TYRO3: variants seen among roughly 807,000 people sequenced by gnomAD.
The protein encoded by TYRO3 is tyrosine-protein kinase receptor TYRO3.
TYRO3 carries 38 observed loss-of-function variants against 95.2 expected under a neutral mutation model. The ratio of observed to expected loss-of-function variants is 0.40; its 90% CI spans 0.31 to 0.52. The LOEUF is 0.52. Ranked by LOEUF, TYRO3 falls within the 20% of genes least tolerant of loss-of-function variation. The pLI, the probability that TYRO3 is intolerant of heterozygous loss-of-function variation, is 0.56. For synonymous variants in TYRO3, 367 were observed against 432.9 expected, an observed-to-expected ratio of 0.85 and a Z score of 1.89; for missense variants, 812 against 1,116.4, an observed-to-expected ratio of 0.73 and a Z score of 3.89.
chr15:41,568,492 C>T (rs1312679645), intron 8 of TYRO3, 130 bp downstream of exon 8: 2 of 862,292 alleles, frequency 2.3e-6, no homozygotes, highest in Non-Finnish European at 3.5e-6. Context: ...GAATCCTTTC[C>T]TCCTCACCCT....
Position 41,573,110 on chromosome 15 carries a change from A to G in TYRO3, c.1984A>G (p.Met662Val), listed in dbSNP as rs758817180. The change falls in exon 16 of 19, where the codon ATG becomes GTG. Residue 662 changes from methionine (M) to valine (V), a missense_variant and splice_region_variant. Coordinates refer to ENST00000263798, the MANE Select transcript of TYRO3 (RefSeq NM_006293.4). ...IHRDLAARNCMLAEDMTVCVA... is the reference protein window; with the variant it reads ...IHRDLAARNCVLAEDMTVCVA... ...CCGAGACCTGGCTGCTCGGAATTGC[A>G]TGTACGAATTCTGGAGGACTCGAGG... 6.2e-7 allele frequency: 1 copy of G among 1,613,112 alleles called. No individual in the cohort carries two copies. Among genetic ancestry groups the G allele is most frequent in the African/African-American group, 1.3e-5 (1 of 74,740 alleles).
chr15:41,573,318 G>T lies in TYRO3; in HGVS notation c.1996G>T (p.Asp666Tyr). Residue 666 changes from aspartate to tyrosine, a missense_variant, in exon 17 of 19, where the codon GAC becomes TAC. By Grantham distance (160) the Asp-to-Tyr change is radical. Coordinates refer to ENST00000263798, the MANE Select transcript of TYRO3 (RefSeq NM_006293.4). Reference protein sequence around the residue: ...LAARNCMLAEDMTVCVADFGL... With the variant: ...LAARNCMLAEYMTVCVADFGL... ...CAATGCCCCTTGTAGGCTGGCAGAGGACATGACAGTGTGTGTGGCTGACTT... is the reference window on the plus strand; with the variant it reads ...CAATGCCCCTTGTAGGCTGGCAGAGTACATGACAGTGTGTGTGGCTGACTT... The T allele has an allele frequency of 6.2e-7, 1 of 1,614,242 alleles. No individual in the cohort carries two copies. The highest frequency in any genetic ancestry group is 8.5e-7 in the Non-Finnish European group (1 of 1,180,044).
chr15:41,569,996 T>A, intron 9 of TYRO3, 31 bp from the exon 10 acceptor site: 1 of 1,606,324 alleles, frequency 6.2e-7, no homozygotes. Context: ...GGTGTCATCC[T>A]AGCTCATGCC....
At chr15:41,567,094 G>A (rs2055732849) in intron 6 of TYRO3, among the ~76,000 whole-genome samples, 1 of 152,178 alleles carries the variant, frequency 6.6e-6, no homozygotes, top group Admixed American at 6.5e-5. Flanking sequence ...CTTTCACCAA[G>A]AAAGTGATAT....
intron 15 of TYRO3, 113 bp from the exon 16 acceptor site, chr15:41,572,889 T>A: frequency 1.1e-6 from 1 of 878,378 alleles, no homozygotes; most frequent in Non-Finnish European, 1.8e-6. Flanking sequence ...TCCCCTTCCT[T>A]CCTTCCAGTG....
chr15:41,567,567 G>A lies in TYRO3; in HGVS notation c.961+30G>A, dbSNP rs757931709. ...GGGATGCATAGAGCAGAGCGGGTGGGCAGGGCTGGAGCCGGGAAGGGGGCC... is the reference window on the plus strand; with the variant it reads ...GGGATGCATAGAGCAGAGCGGGTGGACAGGGCTGGAGCCGGGAAGGGGGCC... On this transcript the variant is annotated intron_variant, in intron 7 of 18. Coordinates refer to ENST00000263798, the MANE Select transcript of TYRO3 (RefSeq NM_006293.4). 47 of 1,431,652 alleles carry A rather than the reference G, an allele frequency of 3.3e-5. No individual in the cohort carries two copies. In the Admixed American group the frequency reaches 5.3e-4, roughly 16 times the overall value. 88.7% of individuals were successfully genotyped at this position (1,431,652 alleles called of 1,614,324 possible).
rs201443654 is a variant in TYRO3 at position 41,570,259 on chromosome 15, A to G, written c.1402A>G (p.Met468Val). Residue 468 changes from methionine (M) to valine (V), a missense_variant, in exon 11 of 19, where the codon ATG (methionine) becomes GTG (valine). Physicochemically the swap from Met to Val is conservative, Grantham distance 21. Transcript: ENST00000263798. ...CTTTAGGCAAGCCTTTGACAGTGTCATGGCCCGGGGAGAGCCAGCCGTTCA... is the reference window on the plus strand; with the variant it reads ...CTTTAGGCAAGCCTTTGACAGTGTCGTGGCCCGGGGAGAGCCAGCCGTTCA... ...TRFGQAFDSVMARGEPAVHFR... is the reference protein window; with the variant it reads ...TRFGQAFDSVVARGEPAVHFR... 1.3e-4 allele frequency: 216 copies of G among 1,613,964 alleles called. 1 individual carries two copies. Among genetic ancestry groups the G allele is most frequent in the Admixed American group, 2.8e-4 (17 of 60,012 alleles).
intron 9 of TYRO3, 48 bp from the exon 10 acceptor site, chr15:41,569,979 A>T (rs761520881): frequency 6.3e-7 from 1 of 1,589,802 alleles, no homozygotes; most frequent in East Asian, 2.2e-5. Flanking sequence ...TTCTGAAGGG[A>T]CCTCATGGTG....
intron 18 of TYRO3, among the ~76,000 whole-genome samples, chr15:41,575,166 C>T (rs1194937993): frequency 6.6e-6 from 1 of 152,216 alleles, no homozygotes; most frequent in Admixed American, 6.5e-5. Flanking sequence ...TGGGGTCCTT[C>T]CCTTGGACAG....
intron 2 of TYRO3, 65 bp from the exon 3 acceptor site, chr15:41,561,474 C>G: frequency 7.4e-7 from 1 of 1,346,886 alleles, no homozygotes; most frequent in East Asian, 2.5e-5. Context: ...CTGAACTCAT[C>G]AAGTTTGCCC....
chr15:41,572,646 G>A, intron 15 of TYRO3, 82 bp downstream of exon 15: 4 of 1,406,196 alleles, frequency 2.8e-6, no homozygotes. Context: ...CTGGCAGAGA[G>A]GGGCTTGCTG....
chr15:41,560,388 C>CGTGTGTGTGTGTGTGTGTGTGT (rs1177291795), intron 1 of TYRO3, among the ~76,000 whole-genome samples: 2 of 72,056 alleles, frequency 2.8e-5, no homozygotes, highest in Admixed American at 1.5e-4. Context: ...AGGAGAGGTG[C>CGTGTGTGTGTGTGTGTGTGTGT]GTGTATGTGT....
chr15:41,576,125 A>AT (rs940791097), intron 18 of TYRO3, among the ~76,000 whole-genome samples: 2 of 135,340 alleles, frequency 1.5e-5, no homozygotes, highest in African/African-American at 5.3e-5. Flanking sequence ...AAAAAAAAAA[A>AT]TTAATTCCTG....
rs1595509324 is a variant in TYRO3, at chr15:41,583,012, T to TTTTTTTTTTTTTA, written c.*4736_*4737insTTTTTTTTTTTTA. On this transcript the variant is annotated 3_prime_UTR_variant, in exon 19 of 19. Coordinates refer to ENST00000263798, the MANE Select transcript of TYRO3 (RefSeq NM_006293.4). The stretch of plus-strand genomic sequence containing the variant: ...ATTTTTAAGTGTTTTTTTTTTTTTT[T>TTTTTTTTTTTTTA]AATACAGAGCCTTGCTCTGTCGCCC... The TTTTTTTTTTTTTA allele has an allele frequency of 6.9e-6, 1 of 145,374 alleles. No homozygotes were observed. Among genetic ancestry groups the TTTTTTTTTTTTTA allele is most frequent in the East Asian group, 2.0e-4 (1 of 4,970 alleles). 9.0% of individuals were successfully genotyped at this position (145,374 alleles called of 1,614,324 possible).
In TYRO3 at chr15:41,561,336, G is replaced by C. The variant is rs191960032; in HGVS notation, c.308+26G>C. The C allele has an allele frequency of 4.6e-4, 730 of 1,599,688 alleles. 2 individuals carry two copies. The African/African-American group carries it at 9.1e-3, about 20-fold the overall frequency. The stretch of plus-strand genomic sequence containing the variant: ...GTGCAGGCCTGTGGGGGAAGGTGTG[G>C]GCTGCCAGCCAGGGGGCAGGCTATG... On this transcript the variant is annotated intron_variant, in intron 2 of 18. Coordinates refer to ENST00000263798, the MANE Select transcript of TYRO3 (RefSeq NM_006293.4).
intron 1 of TYRO3, 136 bp downstream of exon 1, chr15:41,559,517 G>A (rs997121652): frequency 2.1e-5 from 6 of 289,608 alleles, no homozygotes; most frequent in Admixed American, 5.2e-5. Flanking sequence ...TCGGAGCCGG[G>A]ACAGGGCACG....
Position 41,567,424 on chromosome 15 carries a change from G to A in TYRO3, c.848G>A (p.Cys283Tyr). The change falls in exon 7 of 19, where the codon TGC (cysteine) becomes TAC (tyrosine). Residue 283 changes from cysteine to tyrosine, a missense_variant. By Grantham distance (194) the Cys-to-Tyr change is radical (BLOSUM62 -2). Transcript: ENST00000263798. ...GTGGTCCCTGTGCCCCCCTTTACCTGCCTGCTCCGGGACCTGGTGCCTGCC... is the reference window on the plus strand; with the variant it reads ...GTGGTCCCTGTGCCCCCCTTTACCTACCTGCTCCGGGACCTGGTGCCTGCC... ...AVVVPVPPFTCLLRDLVPATN... is the reference protein window; with the variant it reads ...AVVVPVPPFTYLLRDLVPATN... The A allele has an allele frequency of 6.2e-7, 1 of 1,609,908 alleles. No homozygotes were observed. Among genetic ancestry groups the A allele is most frequent in the South Asian group, 1.1e-5 (1 of 90,416 alleles).
At chr15:41,560,968 C>T (rs1298380782) in intron 1 of TYRO3, among the ~76,000 whole-genome samples, 159 bp from the exon 2 acceptor site, 4 of 152,218 alleles carry the variant, frequency 2.6e-5, no homozygotes, top group African/African-American at 9.6e-5. Flanking sequence ...CCAGGTCCAG[C>T]GACCTTCCCT....
chr15:41,579,531 G>A lies in TYRO3; in HGVS notation c.*1255G>A, dbSNP rs758464199. The A allele has an allele frequency of 6.6e-6, 1 of 151,990 alleles. No homozygotes were observed. The highest frequency in any genetic ancestry group is 1.5e-5 in the Non-Finnish European group (1 of 68,022). 9.4% of individuals were successfully genotyped at this position (151,990 alleles called of 1,614,324 possible). A position where few individuals can be genotyped will look rare whatever the true frequency, so the allele number is the denominator to read the frequency against. Reference sequence around the variant, plus strand: ...TGCCCAGGTAATTTTTGTATTTTTAGTAGAGATGTGGTTTCGCCATGTTGG... The same window carrying A: ...TGCCCAGGTAATTTTTGTATTTTTAATAGAGATGTGGTTTCGCCATGTTGG... On this transcript the variant is annotated 3_prime_UTR_variant, in exon 19 of 19. Coordinates refer to ENST00000263798, the MANE Select transcript of TYRO3 (RefSeq NM_006293.4).
Sources: gnomAD v4.1 joint callset for allele counts (sites outside exome capture counted in the v4.1 genomes callset) on GRCh38, gnomAD v4.1.1 for gene constraint, MANE v1.5 for transcripts, NCBI Gene and HGNC (gene_info 2026-07-23, HGNC 2026-07-21) for gene names.